SLIT3: variants seen among roughly 807,000 people sequenced by gnomAD.
SLIT3 encodes slit homolog 3 protein.
Under a neutral mutation model 184.0 loss-of-function variants are expected in SLIT3, and 68 were observed. That is an observed-to-expected ratio of 0.37 (90% CI 0.30 to 0.45). SLIT3 has a LOEUF of 0.45. Ranked by LOEUF, SLIT3 falls within the 20% of genes least tolerant of loss-of-function variation. SLIT3 has a pLI of 1.00. For missense variants in SLIT3, 1,707 were observed against 2,026.0 expected, an observed-to-expected ratio of 0.84 and a Z score of 3.02; for synonymous variants, 831 against 828.6, an observed-to-expected ratio of 1.00 and a Z score of -0.05.
chr5:169,283,443 A>G (rs1767054837), intron 1 of SLIT3, among the ~76,000 whole-genome samples: 1 of 152,228 alleles, frequency 6.6e-6, no homozygotes, highest in African/African-American at 2.4e-5. Flanking sequence ...CCAGAAAGAA[A>G]GGATCCAATT....
chr5:168,733,709 T>C (rs539113387), intron 20 of SLIT3, among the ~76,000 whole-genome samples: 189 of 151,460 alleles, frequency 1.2e-3, no homozygotes, highest in South Asian at 2.1e-3. Context: ...GATGGGTTGA[T>C]AGGTGCAGCA....
At chr5:168,838,688 C>T (rs1758139797) in intron 6 of SLIT3, among the ~76,000 whole-genome samples, 5 of 152,190 alleles carry the variant, frequency 3.3e-5, no homozygotes, top group African/African-American at 1.2e-4. Context: ...GTGAGCACAC[C>T]CTGACCTAGG....
chr5:168,776,156 C>T (rs1305850899), intron 12 of SLIT3, among the ~76,000 whole-genome samples: 1 of 152,156 alleles, frequency 6.6e-6, no homozygotes, highest in Non-Finnish European at 1.5e-5. Flanking sequence ...TACCAGGATC[C>T]AGGGGGTCTG....
At chr5:168,798,851 T>C (rs1018847691) in intron 9 of SLIT3, among the ~76,000 whole-genome samples, 8 of 151,824 alleles carry the variant, frequency 5.3e-5, no homozygotes, top group Non-Finnish European at 1.5e-5. Context: ...ATGAGTCAGA[T>C]CTTATTAGTT....
chr5:169,137,999 C>G (rs1761586516), intron 4 of SLIT3, among the ~76,000 whole-genome samples: 2 of 152,252 alleles, frequency 1.3e-5, no homozygotes, highest in Middle Eastern at 3.4e-3. Flanking sequence ...CATGCAAAAC[C>G]AAAAACTATC....
In SLIT3 at chr5:168,748,343, G is replaced by A; in HGVS notation, c.2229C>T (p.Leu743=). ...ETVVRCSNKG[L]RALPRGMPKD... is the part of the protein sequence containing the mutation. ...TGGGCATGCCTCTGGGGAGGGCGCG[G>A]AGCCCCTTGTTGCTGCATCGCACCA... Residue 743 remains leucine, a synonymous_variant, in exon 20 of 36, where the codon CTC becomes CTT. Coordinates refer to ENST00000519560, the MANE Select transcript of SLIT3 (RefSeq NM_003062.4). 1.3e-6 allele frequency: 2 copies of A among 1,495,526 alleles called. No individual in the cohort carries two copies. The highest frequency in any genetic ancestry group is 1.8e-6 in the Non-Finnish European group (2 of 1,129,014). The allele number at this position is 1,495,526 out of a possible 1,614,324, so 92.6% of individuals were successfully genotyped here. A position where few individuals can be genotyped will look rare whatever the true frequency, so the allele number is the denominator to read the frequency against.
chr5:168,895,678 C>T (rs776097669), intron 4 of SLIT3, among the ~76,000 whole-genome samples: 12 of 152,176 alleles, frequency 7.9e-5, no homozygotes, highest in East Asian at 7.7e-4. Context: ...TGACCCCATG[C>T]GCTATTTATT....
At chr5:169,063,203 T>A (rs1456439685) in intron 4 of SLIT3, among the ~76,000 whole-genome samples, 1 of 152,206 alleles carries the variant, frequency 6.6e-6, no homozygotes, top group Non-Finnish European at 1.5e-5. Context: ...CTGGCCTTAA[T>A]GCCGGCTGCA....
chr5:169,257,373 C>T (rs1172405196), intron 1 of SLIT3, among the ~76,000 whole-genome samples: 5 of 145,290 alleles, frequency 3.4e-5, no homozygotes, highest in African/African-American at 1.3e-4. Flanking sequence ...CCCCCCACCC[C>T]AACCTCCCCG....
chr5:169,154,579 G>A (rs1762237023), intron 4 of SLIT3, among the ~76,000 whole-genome samples: 1 of 152,232 alleles, frequency 6.6e-6, no homozygotes, highest in Non-Finnish European at 1.5e-5. Flanking sequence ...CCCAGCCCCA[G>A]AGCTCCATTG....
At chr5:169,148,707 G>T (rs1762015904) in intron 4 of SLIT3, among the ~76,000 whole-genome samples, 1 of 152,114 alleles carries the variant, frequency 6.6e-6, no homozygotes, top group Non-Finnish European at 1.5e-5. Context: ...TTGTGATTTG[G>T]CATTGGTGCT....
At chr5:169,191,154 A>G (rs1304829021) in intron 4 of SLIT3, among the ~76,000 whole-genome samples, 1 of 152,198 alleles carries the variant, frequency 6.6e-6, no homozygotes, top group South Asian at 2.1e-4. Flanking sequence ...TGCGTGAGTG[A>G]ATGAATAAAT....
chr5:169,176,455 G>T (rs906033160), intron 4 of SLIT3, among the ~76,000 whole-genome samples: 7 of 152,184 alleles, frequency 4.6e-5, no homozygotes, highest in Non-Finnish European at 7.3e-5. Context: ...GAGAGAAGAT[G>T]CAATGAATAG....
At chr5:169,145,860 C>T (rs1761906637) in intron 4 of SLIT3, among the ~76,000 whole-genome samples, 1 of 152,146 alleles carries the variant, frequency 6.6e-6, no homozygotes, top group African/African-American at 2.4e-5. Context: ...CCAGCCTGGC[C>T]AACATGGTGA....
intron 4 of SLIT3, among the ~76,000 whole-genome samples, chr5:168,981,231 T>C (rs1292369301): frequency 6.6e-6 from 1 of 152,146 alleles, no homozygotes; most frequent in African/African-American, 2.4e-5. Context: ...GGACCACGTG[T>C]CAGTTTATTC....
intron 4 of SLIT3, among the ~76,000 whole-genome samples, chr5:168,918,287 G>T (rs957690090): frequency 6.6e-6 from 1 of 152,182 alleles, no homozygotes; most frequent in Non-Finnish European, 1.5e-5. Context: ...AAAATTCAAG[G>T]TGTGGAGAGA....
At chr5:169,033,859 C>G (rs1757133939) in intron 4 of SLIT3, among the ~76,000 whole-genome samples, 1 of 143,394 alleles carries the variant, frequency 7.0e-6, no homozygotes, top group Non-Finnish European at 1.5e-5. Context: ...TGTCACCAGG[C>G]TGGAGTGCAG....
chr5:169,144,712 G>A (rs993643927), intron 4 of SLIT3, among the ~76,000 whole-genome samples: 5 of 152,180 alleles, frequency 3.3e-5, no homozygotes, highest in South Asian at 2.1e-4. Flanking sequence ...CCAGGCCTTC[G>A]GGCTGACTTC....
At chr5:169,084,816 G>A (rs950131124) in intron 4 of SLIT3, among the ~76,000 whole-genome samples, 19 of 152,236 alleles carry the variant, frequency 1.2e-4, no homozygotes, top group East Asian at 1.9e-4. Context: ...CCAGAGGGGC[G>A]CAAATCAAAG....
Sources: allele counts gnomAD v4.1 joint callset (sites outside exome capture counted in the v4.1 genomes callset), GRCh38; gene constraint gnomAD v4.1.1; transcripts MANE v1.5; gene names NCBI Gene and HGNC (gene_info 2026-07-23, HGNC 2026-07-21).